Variants in SUCO observed in about 807,000 individuals in gnomAD.
The protein encoded by SUCO is SUN domain containing ossification factor, also known as SUN domain-containing ossification factor.
SUCO carries 57 observed loss-of-function variants against 148.1 expected under a neutral mutation model. The ratio of observed to expected loss-of-function variants is 0.38; its 90% CI spans 0.31 to 0.48. SUCO has a LOEUF of 0.48. Among genes scored for constraint, SUCO ranks in the 20% least tolerant of loss-of-function variants. The pLI is 0.96. For missense variants in SUCO, 1,331 were observed against 1,468.2 expected (o/e 0.91, Z 1.53); for synonymous variants, 470 against 502.7 (o/e 0.93, Z 0.87).
intron 19 of SUCO, 60 bp downstream of exon 19, chr1:172,591,131 C>G: frequency 7.8e-7 from 1 of 1,287,928 alleles, no homozygotes; most frequent in Non-Finnish European, 1.1e-6. Context: ...TCTGTAGGGT[C>G]TCACTGGTAA....
chr1:172,588,938 A>G lies in SUCO; in HGVS notation c.1837A>G (p.Thr613Ala). Residue 613 changes from threonine to alanine, a missense_variant, in exon 18 of 24, where the codon ACA (threonine) becomes GCA (alanine). Physicochemically the swap from Thr to Ala is moderately conservative, Grantham distance 58. Coordinates refer to ENST00000263688, the MANE Select transcript of SUCO (RefSeq NM_014283.5). ...DESSPWFESE[T>A]QIFCSELTTI... ...ATCATCACCCTGGTTTGAGTCAGAG[A>G]CACAAATATTTTGCAGTGAACTGAC... 8 of 1,611,902 alleles carry G rather than the reference A, an allele frequency of 5.0e-6. No individual in the cohort carries two copies. Among genetic ancestry groups the G allele is most frequent in the Non-Finnish European group, 5.9e-6 (7 of 1,179,046 alleles).
Position 172,595,110 on chromosome 1 carries a change from G to A in SUCO, c.2913+4039G>A. On this transcript the variant is annotated intron_variant, in intron 19 of 23. Transcript: ENST00000263688. Reference sequence around the variant, plus strand: ...ATCAGAGACTACGATTGTAACCCCTGCTTTTTTTTGTTTTCCATTTGTTTG... The same window carrying A: ...ATCAGAGACTACGATTGTAACCCCTACTTTTTTTTGTTTTCCATTTGTTTG... 1.3e-5 allele frequency among the ~76,000 whole-genome samples: 2 copies of A among 152,046 alleles called. 1 individual carries two copies. Among genetic ancestry groups the A allele is most frequent in the African/African-American group, 4.8e-5 (2 of 41,386 alleles).
intron 8 of SUCO, 108 bp from the exon 9 acceptor site, chr1:172,570,555 G>A (rs1654882116): frequency 5.4e-6 from 4 of 740,384 alleles, no homozygotes; most frequent in South Asian, 1.6e-5. Context: ...AGTCTTAGGT[G>A]TACTTAAGAT....
chr1:172,607,838 G>A (rs968245333), intron 22 of SUCO, among the ~76,000 whole-genome samples: 11 of 151,916 alleles, frequency 7.2e-5, no homozygotes, highest in Admixed American at 6.6e-4. Flanking sequence ...TATATTTGAT[G>A]ACTTTCTCAA....
intron 10 of SUCO, among the ~76,000 whole-genome samples, chr1:172,575,250 A>G (rs370018873): frequency 1.3e-5 from 2 of 151,974 alleles, no homozygotes; most frequent in African/African-American, 4.8e-5. Context: ...ACTTTCTGTT[A>G]TAAAACCTCC....
chr1:172,568,649 CT>C (rs1654728564), intron 6 of SUCO, among the ~76,000 whole-genome samples: 1 of 152,042 alleles, frequency 6.6e-6, no homozygotes, highest in African/African-American at 2.4e-5. Flanking sequence ...ATCTAGCTTC[CT>C]TTAATGGATG....
chr1:172,609,765 A>C lies in SUCO; in HGVS notation c.3322-51A>C, dbSNP rs371834757. ...AGCTCAGCTCTCTAGGTGTTTGATAAGGTTACTATGGGAAGTATCATTACT... is the reference window on the plus strand; with the variant it reads ...AGCTCAGCTCTCTAGGTGTTTGATACGGTTACTATGGGAAGTATCATTACT... On this transcript the variant is annotated intron_variant, in intron 23 of 23. Coordinates refer to ENST00000263688, the MANE Select transcript of SUCO (RefSeq NM_014283.5). 3.0e-5 allele frequency: 47 copies of C among 1,542,914 alleles called. No individual in the cohort carries two copies. The African/African-American group carries it at 6.5e-4, about 21-fold the overall frequency.
intron 16 of SUCO, among the ~76,000 whole-genome samples, 181 bp from the exon 17 acceptor site, chr1:172,585,677 A>G (rs1036845008): frequency 6.6e-6 from 1 of 152,176 alleles, no homozygotes; most frequent in African/African-American, 2.4e-5. Flanking sequence ...AACGATATAT[A>G]TTACTTGTGA....
rs143124452 is a variant in SUCO, at chr1:172,534,612, A to G, written c.62+1115A>G. Reference sequence around the variant, plus strand: ...GATAGAAGTTTTTGAGAACAAAAACAATTGACTTATTACCTTTCATTCTGA... The same window carrying G: ...GATAGAAGTTTTTGAGAACAAAAACGATTGACTTATTACCTTTCATTCTGA... On this transcript the variant is annotated intron_variant, in intron 1 of 23. Coordinates refer to ENST00000263688, the MANE Select transcript of SUCO (RefSeq NM_014283.5). Among the ~76,000 whole-genome samples the G allele has an allele frequency of 3.9e-3, 597 of 152,332 alleles. 3 individuals are homozygous for G. Among genetic ancestry groups the G allele is most frequent in the African/African-American group, 0.013 (550 of 41,568 alleles).
At position 172,557,797 on chromosome 1, in the gene SUCO, A is replaced by G; in HGVS notation, c.732+3A>G. 1 of 1,591,600 alleles carries G rather than the reference A, an allele frequency of 6.3e-7. No homozygotes were observed. Among genetic ancestry groups the G allele is most frequent in the South Asian group, 1.2e-5 (1 of 86,458 alleles). On this transcript the variant is annotated splice_donor_region_variant and intron_variant, in intron 6 of 23. Transcript: ENST00000263688. ...CTTCAGATAATTTAAAAAATGAGGT[A>G]GGTATATAACTTGCACTATCTCTTA...
intron 17 of SUCO, 125 bp from the exon 18 acceptor site, chr1:172,588,635 A>G (rs1389597944): frequency 7.9e-7 from 1 of 1,267,814 alleles, no homozygotes; most frequent in African/African-American, 1.5e-5. Flanking sequence ...CATTTATCCA[A>G]AAACAAATTT....
At chr1:172,591,188 T>A in intron 19 of SUCO, 117 bp downstream of exon 19, 1 of 671,680 alleles carries the variant, frequency 1.5e-6, no homozygotes, top group Non-Finnish European at 2.5e-6. Context: ...AGCTGGTGTT[T>A]AAGCCTGTTA....
Position 172,553,245 on chromosome 1 carries a change from G to T in SUCO, c.178-15G>T. The T allele has an allele frequency of 6.5e-7, 1 of 1,540,756 alleles. No homozygotes were observed. Among genetic ancestry groups the T allele is most frequent in the Non-Finnish European group, 8.8e-7 (1 of 1,137,926 alleles). ...ACAGTTTTATCAGGTGATTTTTGTT[G>T]TTGTTGTTATATAGGATGAAAGAGA... On this transcript the variant is annotated splice_polypyrimidine_tract_variant and intron_variant, in intron 2 of 23. Coordinates refer to ENST00000263688, the MANE Select transcript of SUCO (RefSeq NM_014283.5).
intron 17 of SUCO, among the ~76,000 whole-genome samples, chr1:172,586,990 C>G (rs68164208): frequency 0.19 from 28,644 of 151,838 alleles, 3,144 homozygotes; most frequent in South Asian, 0.27. Context: ...GATTGCTGTT[C>G]CTGATTTTGT....
intron 23 of SUCO, among the ~76,000 whole-genome samples, chr1:172,609,049 A>G (rs1306869472): frequency 1.3e-5 from 2 of 152,080 alleles, no homozygotes; most frequent in Admixed American, 6.6e-5. Context: ...CATGCAAGAG[A>G]GAAAATGTGT....
At chr1:172,550,465 TTA>T (rs1361180649) in intron 1 of SUCO, among the ~76,000 whole-genome samples, 1 of 152,026 alleles carries the variant, frequency 6.6e-6, no homozygotes, top group African/African-American at 2.4e-5. Flanking sequence ...AATATAATTT[TTA>T]TATCTGGGAC....
chr1:172,566,020 C>T (rs1654528853), intron 6 of SUCO, among the ~76,000 whole-genome samples: 1 of 152,182 alleles, frequency 6.6e-6, no homozygotes, highest in Admixed American at 6.5e-5. Flanking sequence ...CTAGAGTGGG[C>T]TCAGCTGCTG....
intron 19 of SUCO, among the ~76,000 whole-genome samples, chr1:172,593,912 T>C (rs531144926): frequency 7.8e-4 from 119 of 152,318 alleles, no homozygotes; most frequent in African/African-American, 2.8e-3. Context: ...TCCTGGACTT[T>C]TTTTGGTTGG....
intron 6 of SUCO, among the ~76,000 whole-genome samples, chr1:172,561,214 A>C (rs541279452): frequency 6.6e-6 from 1 of 152,378 alleles, no homozygotes; most frequent in African/African-American, 2.4e-5. Context: ...AGGTAGGATC[A>C]TGAGTGCACT....
Sources: gnomAD v4.1 joint callset for allele counts (sites outside exome capture counted in the v4.1 genomes callset) on GRCh38, gnomAD v4.1.1 for gene constraint, MANE v1.5 for transcripts, NCBI Gene and HGNC (gene_info 2026-07-23, HGNC 2026-07-21) for gene names.